NEIL3: variants seen among roughly 807,000 people sequenced by gnomAD.
The protein encoded by NEIL3 is nei like DNA glycosylase 3.
In NEIL3, 48 loss-of-function variants were observed where a neutral mutation model predicts 57.5. The observed-to-expected ratio is 0.83, with a 90% CI of 0.66 to 1.06. The LOEUF (loss-of-function observed/expected upper bound fraction) is 1.06, where lower values mean the gene tolerates loss of function less well. Among genes scored for constraint, NEIL3 ranks in the 50% least tolerant of loss-of-function variants. The pLI is 0.00. For synonymous variants in NEIL3, 261 were observed against 253.2 expected (o/e 1.03, Z -0.29); for missense variants, 717 against 739.1 (o/e 0.97, Z 0.35).
At chr4:177,350,645 A>C (rs1282316174) in intron 6 of NEIL3, among the ~76,000 whole-genome samples, 1 of 152,200 alleles carries the variant, frequency 6.6e-6, no homozygotes, top group East Asian at 1.9e-4. Context: ...GTGCACATGA[A>C]GTAAATATAA....
rs369846592 is a variant in NEIL3 at position 177,322,402 on chromosome 4, T to C, written c.157-57T>C. The stretch of plus-strand genomic sequence containing the variant: ...AACACATTTAAGAATTAAATAATGC[T>C]TTTGCTTAGAGTTTGTGTGTGTGTG... On this transcript the variant is annotated intron_variant, in intron 1 of 9. Coordinates refer to ENST00000264596, the MANE Select transcript of NEIL3 (RefSeq NM_018248.3). 19 of 1,605,690 alleles carry C rather than the reference T, an allele frequency of 1.2e-5. No individual in the cohort carries two copies. The African/African-American group carries it at 2.3e-4, about 19-fold the overall frequency.
At position 177,351,498 on chromosome 4, in the gene NEIL3, A is replaced by G. The variant is rs1303094184; in HGVS notation, c.988A>G (p.Asn330Asp). 15 of 1,614,038 alleles carry G rather than the reference A, an allele frequency of 9.3e-6. No individual in the cohort carries two copies. Among genetic ancestry groups the G allele is most frequent in the Non-Finnish European group, 1.3e-5 (15 of 1,180,002 alleles). ...GACCTGTGTGGTGTGTACTTTAATCAATAAGCCCTCTTCTAAGGCATGTGA... is the reference window on the plus strand; with the variant it reads ...GACCTGTGTGGTGTGTACTTTAATCGATAAGCCCTCTTCTAAGGCATGTGA... ...HWTCVVCTLINKPSSKACDAC... is the reference protein window; with the variant it reads ...HWTCVVCTLIDKPSSKACDAC... The change falls in exon 7 of 10, where the codon AAT becomes GAT. Residue 330 changes from asparagine to aspartate, a missense_variant. Coordinates refer to ENST00000264596, the MANE Select transcript of NEIL3 (RefSeq NM_018248.3).
At chr4:177,330,410 T>G (rs1015011428) in intron 2 of NEIL3, among the ~76,000 whole-genome samples, 2 of 151,884 alleles carry the variant, frequency 1.3e-5, no homozygotes, top group Non-Finnish European at 2.9e-5. Context: ...TCTCTAAGAT[T>G]TAAGCTTCCA....
intron 8 of NEIL3, among the ~76,000 whole-genome samples, chr4:177,356,401 A>G (rs1029011432): frequency 6.6e-6 from 1 of 152,226 alleles, no homozygotes; most frequent in African/African-American, 2.4e-5. Flanking sequence ...GAGACTCCAC[A>G]ATCAATCAAG....
At chr4:177,332,277 G>GT (rs1734898375) in intron 2 of NEIL3, among the ~76,000 whole-genome samples, 2 of 152,078 alleles carry the variant, frequency 1.3e-5, no homozygotes, top group African/African-American at 4.8e-5. Flanking sequence ...ACAGTATTTT[G>GT]TGCCAAAGCC....
intron 1 of NEIL3, among the ~76,000 whole-genome samples, chr4:177,316,999 A>G (rs1404462671): frequency 6.6e-6 from 1 of 152,170 alleles, no homozygotes; most frequent in African/African-American, 2.4e-5. Context: ...TAAAAAAGGA[A>G]TTCTTAAACA....
intron 8 of NEIL3, chr4:177,354,201 G>A (rs1379491466): frequency 6.6e-6 from 1 of 151,406 alleles, no homozygotes; most frequent in Non-Finnish European, 1.5e-5. Flanking sequence ...TATAATGTTA[G>A]AGAAGGGAAG....
chr4:177,344,656 G>C (rs1429119020), intron 6 of NEIL3, among the ~76,000 whole-genome samples: 1 of 151,914 alleles, frequency 6.6e-6, no homozygotes, highest in Non-Finnish European at 1.5e-5. Context: ...TCGCCTCCCG[G>C]GTTCAAGTGA....
intron 8 of NEIL3, among the ~76,000 whole-genome samples, chr4:177,357,834 G>A (rs150998547): frequency 1.3e-5 from 2 of 152,282 alleles, no homozygotes; most frequent in Admixed American, 6.5e-5. Flanking sequence ...GCCCCGATCT[G>A]TTGTATTAAT....
chr4:177,363,578 G>A (rs2110948578), downstream of NEIL3, among the ~76,000 whole-genome samples: 1 of 152,230 alleles, frequency 6.6e-6, no homozygotes, highest in Middle Eastern at 3.4e-3. Flanking sequence ...GAAGGAAACT[G>A]CAAGCTAATT....
At chr4:177,313,222 C>G (rs1300665905) in intron 1 of NEIL3, among the ~76,000 whole-genome samples, 1 of 152,084 alleles carries the variant, frequency 6.6e-6, no homozygotes, top group Non-Finnish European at 1.5e-5. Flanking sequence ...GATAATCATA[C>G]CAAAAAACAA....
chr4:177,354,400 AAGAT>A (rs1735430990), intron 8 of NEIL3: 1 of 152,172 alleles, frequency 6.6e-6, no homozygotes, highest in Admixed American at 6.5e-5. Context: ...CTTCCAATGA[AAGAT>A]AGTCTTCCAA....
At chr4:177,317,323 G>T (rs899236495) in intron 1 of NEIL3, among the ~76,000 whole-genome samples, 1 of 152,202 alleles carries the variant, frequency 6.6e-6, no homozygotes, top group Admixed American at 6.5e-5. Flanking sequence ...TTAGTTGGAG[G>T]TTCTCTTTGA....
chr4:177,327,639 C>G (rs976201014), intron 2 of NEIL3, among the ~76,000 whole-genome samples: 15 of 152,076 alleles, frequency 9.9e-5, no homozygotes, highest in Non-Finnish European at 2.2e-4. Context: ...TTGCACTGGC[C>G]AGGACCCCCA....
downstream of NEIL3, among the ~76,000 whole-genome samples, chr4:177,363,603 A>C (rs1339493074): frequency 6.6e-6 from 1 of 152,200 alleles, no homozygotes; most frequent in Non-Finnish European, 1.5e-5. Context: ...AATAAAGAGG[A>C]AAAAAGGTCC....
Position 177,351,438 on chromosome 4 carries a change from A to T in NEIL3, c.928A>T (p.Met310Leu). ...GACATCTAGCAGGGTGGATCATGTT[A>T]TGGACTCCGTGGCTCGGAAGTCGGA... The part of the protein sequence containing the change: ...SWTSSRVDHV[M>L]DSVARKSEEH... The change falls in exon 7 of 10, where the codon ATG becomes TTG. Residue 310 changes from methionine (M) to leucine (L), a missense_variant. Transcript: ENST00000264596. 1.2e-6 allele frequency: 2 copies of T among 1,613,938 alleles called. No individual in the cohort carries two copies. Among genetic ancestry groups the T allele is most frequent in the Non-Finnish European group, 1.7e-6 (2 of 1,179,860 alleles).
intron 6 of NEIL3, among the ~76,000 whole-genome samples, chr4:177,349,222 T>C (rs932864239): frequency 2.0e-5 from 3 of 151,992 alleles, no homozygotes; most frequent in African/African-American, 7.2e-5. Flanking sequence ...TTCCGCTGGC[T>C]GCCATCATAA....
the NEIL3 span, among the ~76,000 whole-genome samples, chr4:177,368,396 G>A: frequency 3.9e-5 from 6 of 152,080 alleles, no homozygotes; most frequent in African/African-American, 1.4e-4. Context: ...GCAAGGAAAC[G>A]AAAAAGCAAG....
At position 177,336,157 on chromosome 4, in the gene NEIL3, G is replaced by A; in HGVS notation, c.463G>A (p.Val155Ile). The change falls in exon 4 of 10, where the codon GTA (valine) becomes ATA (isoleucine). Residue 155 changes from valine (V) to isoleucine (I), a missense_variant. By Grantham distance (29) the Val-to-Ile change is conservative (BLOSUM62 3). Coordinates refer to ENST00000264596, the MANE Select transcript of NEIL3 (RefSeq NM_018248.3). ...AATAAGAATGATGAAAGAATTAGAT[G>A]TATGTTCACCTGAATTTAGTTTCTT... Reference protein sequence around the residue: ...QRIRMMKELDVCSPEFSFLRA... With the variant: ...QRIRMMKELDICSPEFSFLRA... 6.2e-7 allele frequency: 1 copy of A among 1,613,858 alleles called. No homozygotes were observed. Among genetic ancestry groups the A allele is most frequent in the Non-Finnish European group, 8.5e-7 (1 of 1,179,734 alleles).
Sources: gnomAD v4.1 joint callset for allele counts (sites outside exome capture counted in the v4.1 genomes callset) on GRCh38, gnomAD v4.1.1 for gene constraint, MANE v1.5 for transcripts, NCBI Gene and HGNC (gene_info 2026-07-23, HGNC 2026-07-21) for gene names.